ZNF704: variants seen among roughly 807,000 people sequenced by gnomAD.
ZNF704 encodes the protein zinc finger protein 704.
ZNF704 carries 10 observed loss-of-function variants against 44.7 expected under a neutral mutation model. That is an observed-to-expected ratio of 0.22 (90% CI 0.14 to 0.38). ZNF704 has a LOEUF of 0.38. Ranked by LOEUF, ZNF704 falls within the 10% of genes least tolerant of loss-of-function variation. The pLI is 1.00. For synonymous variants in ZNF704, 211 were observed against 207.6 expected (o/e 1.02, Z -0.14); for missense variants, 390 against 545.5 (o/e 0.71, Z 2.84).
At chr8:80,754,714 T>C (rs1807006014) in intron 2 of ZNF704, among the ~76,000 whole-genome samples, 1 of 152,172 alleles carries the variant, frequency 6.6e-6, no homozygotes, top group Non-Finnish European at 1.5e-5. Flanking sequence ...CCTGCTCCCC[T>C]GCAGTTAGGC....
chr8:80,648,002 G>A (rs1318990353), intron 7 of ZNF704, among the ~76,000 whole-genome samples: 1 of 152,186 alleles, frequency 6.6e-6, no homozygotes, highest in Non-Finnish European at 1.5e-5. Context: ...GCCGGCATGT[G>A]ACAACGGCCT....
At chr8:80,678,461 C>T (rs11994145) in intron 4 of ZNF704, among the ~76,000 whole-genome samples, 15,599 of 152,150 alleles carry the variant, frequency 0.1, 2,708 homozygotes, top group African/African-American at 0.35. Context: ...TAGGGGCCAT[C>T]TTTAAATTTG....
At chr8:80,656,422 AAGAG>A (rs1035369909) in intron 7 of ZNF704, among the ~76,000 whole-genome samples, 2 of 152,222 alleles carry the variant, frequency 1.3e-5, no homozygotes, top group African/African-American at 4.8e-5. Context: ...CTGTCATGAA[AAGAG>A]AGAGAAAGAA....
chr8:80,859,545 G>C lies in ZNF704; in HGVS notation c.-22+15026C>G, dbSNP rs538827100. Among the ~76,000 whole-genome samples, 91 of 152,288 alleles carry C rather than the reference G, an allele frequency of 6.0e-4. 1 individual carries two copies. The South Asian group carries it at 0.018, about 30-fold the overall frequency. ...TTAACCTGAATGATGGCTCCCACCAGGATGCCAACAACACTAGCCACGTAT... is the reference window on the plus strand; with the variant it reads ...TTAACCTGAATGATGGCTCCCACCACGATGCCAACAACACTAGCCACGTAT... On this transcript the variant is annotated intron_variant, in intron 1 of 8. Transcript: ENST00000327835.
At chr8:80,678,312 G>A (rs768752109) in intron 4 of ZNF704, among the ~76,000 whole-genome samples, 2 of 152,184 alleles carry the variant, frequency 1.3e-5, no homozygotes, top group Non-Finnish European at 2.9e-5. Flanking sequence ...GCAAAACAAA[G>A]TTCTGCTTTC....
intron 2 of ZNF704, among the ~76,000 whole-genome samples, chr8:80,739,603 C>A (rs1007462875): frequency 1.3e-5 from 2 of 152,132 alleles, no homozygotes; most frequent in Non-Finnish European, 2.9e-5. Flanking sequence ...TGGAAGACAT[C>A]GCTAGTTTCT....
At chr8:80,852,340 T>C (rs1172312825) in intron 1 of ZNF704, among the ~76,000 whole-genome samples, 1 of 152,216 alleles carries the variant, frequency 6.6e-6, no homozygotes, top group African/African-American at 2.4e-5. Flanking sequence ...ATCCCATCAA[T>C]ATTAGTATAT....
In ZNF704 at chr8:80,636,676, C is replaced by T. The variant is rs576150219; in HGVS notation, c.*4690G>A. 1.3e-5 allele frequency: 2 copies of T among 152,286 alleles called. No homozygotes were observed. Among genetic ancestry groups the T allele is most frequent in the South Asian group, 4.1e-4 (2 of 4,828 alleles). The allele number at this position is 152,286 out of a possible 1,614,324, so 9.4% of individuals were successfully genotyped here. A position where few individuals can be genotyped will look rare whatever the true frequency, so the allele number is the denominator to read the frequency against. ...TGAAATTTCCAGTTGACCCGTGTGC[C>T]CAGGGCATTCTCCAAAATGATTCAC... On this transcript the variant is annotated 3_prime_UTR_variant, in exon 9 of 9. Transcript: ENST00000327835.
At chr8:80,747,920 T>A (rs753474691) in intron 2 of ZNF704, among the ~76,000 whole-genome samples, 1 of 152,200 alleles carries the variant, frequency 6.6e-6, no homozygotes, top group Admixed American at 6.5e-5. Flanking sequence ...TTTCACCTTG[T>A]TGGCCAGGAT....
chr8:80,684,129 G>A (rs926733499), intron 4 of ZNF704, among the ~76,000 whole-genome samples: 1 of 152,174 alleles, frequency 6.6e-6, no homozygotes, highest in African/African-American at 2.4e-5. Flanking sequence ...TGATCAGAGA[G>A]GTGAAATGAT....
At chr8:80,719,848 C>T (rs963725652) in intron 2 of ZNF704, among the ~76,000 whole-genome samples, 5 of 152,136 alleles carry the variant, frequency 3.3e-5, no homozygotes, top group African/African-American at 4.8e-5. Flanking sequence ...CTTCCAGCTC[C>T]GAACTGGTTT....
At chr8:80,881,012 G>C in the ZNF704 span, among the ~76,000 whole-genome samples, 1 of 152,206 alleles carries the variant, frequency 6.6e-6, no homozygotes, top group Non-Finnish European at 1.5e-5. Context: ...GCTGTATTCT[G>C]CTGCAGTATC....
intron 2 of ZNF704, among the ~76,000 whole-genome samples, chr8:80,721,376 T>C (rs1218907950): frequency 2.6e-5 from 4 of 151,762 alleles, no homozygotes; most frequent in Non-Finnish European, 4.4e-5. Context: ...AAACTGGGAG[T>C]TGTGGAAGGA....
At chr8:80,843,947 GTA>G (rs902499336) in intron 1 of ZNF704, among the ~76,000 whole-genome samples, 4 of 141,296 alleles carry the variant, frequency 2.8e-5, no homozygotes, top group African/African-American at 5.2e-5. Flanking sequence ...ATATGTGTAT[GTA>G]TATATATGTG....
chr8:80,728,077 T>G (rs973488266), intron 2 of ZNF704, among the ~76,000 whole-genome samples: 15 of 152,342 alleles, frequency 9.8e-5, no homozygotes, highest in African/African-American at 3.6e-4. Context: ...GCAATAATAT[T>G]AAATAATATA....
At chr8:80,664,551 C>T (rs1310710207) in intron 6 of ZNF704, among the ~76,000 whole-genome samples, 3 of 152,016 alleles carry the variant, frequency 2.0e-5, no homozygotes, top group African/African-American at 2.4e-5. Context: ...GGATTACAGG[C>T]GTGAGCCACT....
At chr8:80,750,285 G>C (rs1178547340) in intron 2 of ZNF704, among the ~76,000 whole-genome samples, 1 of 150,796 alleles carries the variant, frequency 6.6e-6, no homozygotes, top group Admixed American at 6.6e-5. Flanking sequence ...TCCTCAAACT[G>C]TAACACAACG....
chr8:80,745,667 T>G (rs1253039389), intron 2 of ZNF704, among the ~76,000 whole-genome samples: 1 of 152,218 alleles, frequency 6.6e-6, no homozygotes, highest in African/African-American at 2.4e-5. Flanking sequence ...TATATATGAA[T>G]GTGTCTATTA....
At chr8:80,730,016 T>C (rs537205858) in intron 2 of ZNF704, among the ~76,000 whole-genome samples, 4 of 152,120 alleles carry the variant, frequency 2.6e-5, no homozygotes, top group Admixed American at 2.6e-4. Flanking sequence ...CTAAACAAAT[T>C]AGGCAGCTTG....
Sources: gnomAD v4.1 joint callset for allele counts (sites outside exome capture counted in the v4.1 genomes callset) on GRCh38, gnomAD v4.1.1 for gene constraint, MANE v1.5 for transcripts, NCBI Gene and HGNC (gene_info 2026-07-23, HGNC 2026-07-21) for gene names.